MMP21: variants seen among roughly 807,000 people sequenced by gnomAD.
MMP21 encodes the protein matrix metallopeptidase 21, also known as matrix metalloproteinase-21.
A neutral mutation model predicts 47.8 loss-of-function variants in MMP21; 40 were observed. The ratio of observed to expected loss-of-function variants is 0.84; its 90% CI spans 0.65 to 1.09. The LOEUF (loss-of-function observed/expected upper bound fraction) is 1.09, where lower values mean the gene tolerates loss of function less well. Ranked by LOEUF, MMP21 falls within the 50% of genes least tolerant of loss-of-function variation. The probability of loss-of-function intolerance (pLI) is 0.00; values close to 1 mark genes in which losing one functional copy is unlikely to be tolerated. For missense variants in MMP21, 747 were observed against 775.3 expected, an observed-to-expected ratio of 0.96 and a Z score of 0.43; for synonymous variants, 341 against 318.0, an observed-to-expected ratio of 1.07 and a Z score of -0.77.
rs1850470114 is a variant in MMP21, at chr10:125,772,974, AG to A, written c.698-225del. Among the ~76,000 whole-genome samples the A allele has an allele frequency of 1.3e-5, 2 of 152,122 alleles. No individual in the cohort carries two copies. Among genetic ancestry groups the A allele is most frequent in the South Asian group, 4.2e-4 (2 of 4,816 alleles). ...GACCAGCAGGCACCAAGTGCCTGGG[AG>A]CAGAGGGGAGCGGGGCTGGGTGAGA... On this transcript the variant is annotated intron_variant, in intron 2 of 6. Transcript: ENST00000368808. This position sits in a 1 kb window ranked among gnomAD's most constrained non-coding sequence, Gnocchi z 5.6.
Position 125,772,849 on chromosome 10 carries a change from G to T in MMP21, c.698-99C>A. On this transcript the variant is annotated intron_variant, in intron 2 of 6. Transcript: ENST00000368808. This position sits in a 1 kb window ranked among gnomAD's most constrained non-coding sequence, Gnocchi z 5.6. ...CCCCAGCCTCCAGGAGCCGGCAGCA[G>T]AGGTAGACAGAGTGGCAGCTCCTGG... The T allele has an allele frequency of 7.4e-7, 1 of 1,354,032 alleles. No individual in the cohort carries two copies. Among genetic ancestry groups the T allele is most frequent in the Non-Finnish European group, 1.0e-6 (1 of 986,400 alleles). The allele number at this position is 1,354,032 out of a possible 1,614,324, so 83.9% of individuals were successfully genotyped here.
intron 5 of MMP21, among the ~76,000 whole-genome samples, chr10:125,769,173 G>A (rs1470047771): frequency 2.6e-5 from 4 of 152,118 alleles, no homozygotes; most frequent in African/African-American, 7.2e-5. Context: ...AGCGTGCCTC[G>A]TGCACCGGGT....
rs182595888 is a variant in MMP21, at chr10:125,768,560, G to A, written c.1238-856C>T. On this transcript the variant is annotated intron_variant, in intron 5 of 6. Coordinates refer to ENST00000368808, the MANE Select transcript of MMP21 (RefSeq NM_147191.1). ...GTTCACAGAACACCCCAAGCAGTAC[G>A]TTCCTTAGCAACCAAATATTTAATA... Among the ~76,000 whole-genome samples the A allele has an allele frequency of 1.9e-4, 29 of 152,324 alleles. 1 individual carries two copies. The highest frequency in any genetic ancestry group is 1.1e-3 in the Admixed American group (17 of 15,302).
At position 125,767,068 on chromosome 10, in the gene MMP21, G is replaced by A. The variant is rs375838036; in HGVS notation, c.1411-107C>T. The A allele has an allele frequency of 1.2e-4, 103 of 874,094 alleles. No individual in the cohort carries two copies. In the African/African-American group the frequency reaches 1.6e-3, roughly 14 times the overall value. The allele number at this position is 874,094 out of a possible 1,614,324, so 54.1% of individuals were successfully genotyped here. A position where few individuals can be genotyped will look rare whatever the true frequency, so the allele number is the denominator to read the frequency against. ...TCAAGACTTTGTACCAAATTCTTTAGACTTGAACTTCTTAATTTTCCATCA... is the reference window on the plus strand; with the variant it reads ...TCAAGACTTTGTACCAAATTCTTTAAACTTGAACTTCTTAATTTTCCATCA... On this transcript the variant is annotated intron_variant, in intron 6 of 6. Coordinates refer to ENST00000368808, the MANE Select transcript of MMP21 (RefSeq NM_147191.1).
At chr10:125,767,728 C>G in intron 5 of MMP21, 24 bp from the exon 6 acceptor site, 1 of 1,612,280 alleles carries the variant, frequency 6.2e-7, no homozygotes. Context: ...AAAATACGTT[C>G]ATGTGGTTTA....
rs544311844 is a variant in MMP21, at chr10:125,771,434, C to T, written c.979+784G>A. Reference sequence around the variant, plus strand: ...TTTTTTTTTTTTTGAGATGGAGTCTCGCTCTGTCACCCAGGCTGGAGTGCA... The same window carrying T: ...TTTTTTTTTTTTTGAGATGGAGTCTTGCTCTGTCACCCAGGCTGGAGTGCA... On this transcript the variant is annotated intron_variant, in intron 4 of 6. Transcript: ENST00000368808. Among the ~76,000 whole-genome samples, 28 of 149,902 alleles carry T rather than the reference C, an allele frequency of 1.9e-4. No individual in the cohort carries two copies. In the East Asian group the frequency reaches 4.9e-3, roughly 26 times the overall value.
At chr10:125,767,044 C>CT in intron 6 of MMP21, 83 bp from the exon 7 acceptor site, 1 of 1,125,800 alleles carries the variant, frequency 8.9e-7, no homozygotes, top group South Asian at 1.7e-5. Context: ...ATAAGTAACT[C>CT]AAGACTTTGT....
In MMP21 at chr10:125,772,222, C is replaced by T. The variant is rs771914838; in HGVS notation, c.975G>A (p.Leu325=). The change falls in exon 4 of 7, where the codon CTG becomes CTA. Residue 325 remains leucine (L), a synonymous_variant. Transcript: ENST00000368808. The surrounding 1 kb of genome is among the most constrained non-coding windows in gnomAD (Gnocchi z 5.6). Reference sequence around the variant, plus strand: ...TGCCCTCCGCAGCAGTCTTACCATACAGCTTTTGAATTGCTTTCCTGTCTG... The same window carrying T: ...TGCCCTCCGCAGCAGTCTTACCATATAGCTTTTGAATTGCTTTCCTGTCTG... The part of the protein sequence containing the change: ...DWSDRKAIQK[L]YGSCEGSFDT... 60 of 1,614,050 alleles carry T rather than the reference C, an allele frequency of 3.7e-5. No homozygotes were observed. The highest frequency in any genetic ancestry group is 7.7e-5 in the South Asian group (7 of 91,084).
At chr10:125,768,137 G>A (rs181999627) in intron 5 of MMP21, among the ~76,000 whole-genome samples, 1 of 152,150 alleles carries the variant, frequency 6.6e-6, no homozygotes, top group East Asian at 1.9e-4. Context: ...AATCACTTTC[G>A]TATCCTAATC....
In MMP21 at chr10:125,770,594, T is replaced by G. The variant is rs1051813562; in HGVS notation, c.980-3A>C. On this transcript the variant is annotated splice_region_variant and splice_polypyrimidine_tract_variant and intron_variant, in intron 4 of 6. Coordinates refer to ENST00000368808, the MANE Select transcript of MMP21 (RefSeq NM_147191.1). ...ATCAAATGATCCCTCACAGGAGCCT[T>G]AAAAAAACAAACAAAAAACAGCCAC... 3 of 1,610,508 alleles carry G rather than the reference T, an allele frequency of 1.9e-6. No individual in the cohort carries two copies. The East Asian group carries it at 6.7e-5, about 36-fold the overall frequency.
chr10:125,773,608 G>A lies in MMP21; in HGVS notation c.697+223C>T, dbSNP rs911200286. Among the ~76,000 whole-genome samples the A allele has an allele frequency of 6.6e-6, 1 of 151,834 alleles. No homozygotes were observed. Among genetic ancestry groups the A allele is most frequent in the Non-Finnish European group, 1.5e-5 (1 of 67,948 alleles). ...CGGGCAGCAGCCTGTGCCCAGGGCC[G>A]GCCCTAGTGTCCCAGTAGGCCACAC... On this transcript the variant is annotated intron_variant, in intron 2 of 6. Transcript: ENST00000368808. This position sits in a 1 kb window ranked among gnomAD's most constrained non-coding sequence, Gnocchi z 4.8.
intron 1 of MMP21, among the ~76,000 whole-genome samples, chr10:125,774,819 A>G (rs1305554210): frequency 3.3e-5 from 5 of 152,138 alleles, no homozygotes; most frequent in South Asian, 2.1e-4. Flanking sequence ...GGGGGTGCCA[A>G]GGAAGTCCGG....
At chr10:125,769,993 A>C (rs28381304) in intron 5 of MMP21, among the ~76,000 whole-genome samples, 7 of 152,160 alleles carry the variant, frequency 4.6e-5, no homozygotes, top group African/African-American at 1.7e-4. Flanking sequence ...AAAAAAAAAA[A>C]ATTGTTTTAA....
intron 4 of MMP21, among the ~76,000 whole-genome samples, chr10:125,771,611 C>G (rs1013548884): frequency 3.3e-5 from 5 of 152,140 alleles, no homozygotes; most frequent in African/African-American, 1.2e-4. Flanking sequence ...AACATGTTGG[C>G]CAGGCTGGTC....
At chr10:125,770,282 T>A (rs1192972729) in intron 5 of MMP21, 52 bp downstream of exon 5, 2 of 1,585,694 alleles carry the variant, frequency 1.3e-6, no homozygotes, top group Non-Finnish European at 1.7e-6. Context: ...ACATTCCTTC[T>A]GAGTGCATTC....
chr10:125,772,445 G>A lies in MMP21; in HGVS notation c.838-86C>T. Reference sequence around the variant, plus strand: ...CAGACGCAGGCCTGTGCTTCGAGAGGAGCGTTGCTTGTGAAGAGGGGAGCA... The same window carrying A: ...CAGACGCAGGCCTGTGCTTCGAGAGAAGCGTTGCTTGTGAAGAGGGGAGCA... On this transcript the variant is annotated intron_variant, in intron 3 of 6. Transcript: ENST00000368808. The surrounding 1 kb of genome is among the most constrained non-coding windows in gnomAD (Gnocchi z 5.6). 6.3e-7 allele frequency: 1 copy of A among 1,584,774 alleles called. No homozygotes were observed. The highest frequency in any genetic ancestry group is 1.1e-5 in the South Asian group (1 of 87,912).
In MMP21 at chr10:125,773,096, G is replaced by T. The variant is rs1404676903; in HGVS notation, c.698-346C>A. On this transcript the variant is annotated intron_variant, in intron 2 of 6. Transcript: ENST00000368808. This position sits in a 1 kb window ranked among gnomAD's most constrained non-coding sequence, Gnocchi z 4.8. ...CTGCGGAGGTCGTGAAATATTGAAA[G>T]CTGGGTCCCTTAAAATTTGTCTTTT... Among the ~76,000 whole-genome samples the T allele has an allele frequency of 1.3e-5, 2 of 152,188 alleles. No individual in the cohort carries two copies. The highest frequency in any genetic ancestry group is 2.9e-5 in the Non-Finnish European group (2 of 68,040).
Position 125,772,319 on chromosome 10 carries a change from T to C in MMP21, c.878A>G (p.His293Arg). ...HEIGHVLGLP[H>R]TYRTGSIMQP... The stretch of plus-strand genomic sequence containing the variant: ...CATTATGGATCCCGTCCTGTAGGTG[T>C]GAGGCAAGCCCAGGACATGGCCAAT... The change falls in exon 4 of 7, where the codon CAC (histidine) becomes CGC (arginine). Residue 293 changes from histidine (H) to arginine (R), a missense_variant. His to Arg is a conservative substitution (Grantham distance 29, BLOSUM62 0). Coordinates refer to ENST00000368808, the MANE Select transcript of MMP21 (RefSeq NM_147191.1). This position sits in a 1 kb window ranked among gnomAD's most constrained non-coding sequence, Gnocchi z 5.6. The C allele has an allele frequency of 6.2e-7, 1 of 1,614,106 alleles. No individual in the cohort carries two copies. The highest frequency in any genetic ancestry group is 8.5e-7 in the Non-Finnish European group (1 of 1,180,010).
At chr10:125,769,204 G>A (rs969602234) in intron 5 of MMP21, among the ~76,000 whole-genome samples, 12 of 152,178 alleles carry the variant, frequency 7.9e-5, no homozygotes, top group Non-Finnish European at 2.9e-5. Context: ...GGATGAGACC[G>A]GGTGTGAATA....
Sources: allele counts gnomAD v4.1 joint callset (sites outside exome capture counted in the v4.1 genomes callset), GRCh38; gene constraint gnomAD v4.1.1; non-coding constraint Gnocchi (gnomAD v3.1); transcripts MANE v1.5; gene names NCBI Gene and HGNC (gene_info 2026-07-23, HGNC 2026-07-21).